Variants in EAPP observed in about 807,000 individuals in gnomAD.
The protein encoded by EAPP is E2F associated phosphoprotein, also known as E2F-associated phosphoprotein.
Under a neutral mutation model 34.3 loss-of-function variants are expected in EAPP, and 38 were observed. The ratio of observed to expected loss-of-function variants is 1.11; its 90% CI spans 0.85 to 1.45. EAPP has a LOEUF of 1.45. Ranked by LOEUF, EAPP falls within the 40% of genes most tolerant of loss-of-function variation. The pLI, the probability that EAPP is intolerant of heterozygous loss-of-function variation, is 0.00. For missense variants in EAPP, 338 were observed against 343.7 expected, an observed-to-expected ratio of 0.98 and a Z score of 0.13; for synonymous variants, 113 against 117.6, an observed-to-expected ratio of 0.96 and a Z score of 0.25.
At chr14:34,532,810 G>C (rs1207940087) in intron 3 of EAPP, among the ~76,000 whole-genome samples, 1 of 151,848 alleles carries the variant, frequency 6.6e-6, no homozygotes, top group African/African-American at 2.4e-5. Flanking sequence ...GAGTAGCCGG[G>C]ATTACAGGTG....
At chr14:34,535,164 C>G (rs567465171) in intron 2 of EAPP, among the ~76,000 whole-genome samples, 104 of 145,000 alleles carry the variant, frequency 7.2e-4, no homozygotes, top group African/African-American at 2.5e-3. Context: ...GAGTCTCACT[C>G]TGTTGCCCTG....
At chr14:34,535,991 T>C (rs1282540083) in intron 2 of EAPP, 103 bp downstream of exon 2, 3 of 739,480 alleles carry the variant, frequency 4.1e-6, no homozygotes, top group Non-Finnish European at 6.5e-6. Context: ...TAAATATTTA[T>C]TGAGCACCTA....
chr14:34,519,735 T>C (rs1879851674), intron 5 of EAPP, among the ~76,000 whole-genome samples: 1 of 152,118 alleles, frequency 6.6e-6, no homozygotes, highest in Non-Finnish European at 1.5e-5. Context: ...CCTTCCTTAC[T>C]GTCTTCCTTC....
At position 34,533,552 on chromosome 14, in the gene EAPP, G is replaced by T; in HGVS notation, c.257-13C>A. The T allele has an allele frequency of 6.5e-7, 1 of 1,542,500 alleles. No individual in the cohort carries two copies. The highest frequency in any genetic ancestry group is 8.7e-7 in the Non-Finnish European group (1 of 1,144,020). ...CCTGAGGAAGATCCTATTCAAACCAGAAGTAAAGTTTACAGACTAAATCAT... is the reference window on the plus strand; with the variant it reads ...CCTGAGGAAGATCCTATTCAAACCATAAGTAAAGTTTACAGACTAAATCAT... On this transcript the variant is annotated splice_polypyrimidine_tract_variant and intron_variant, in intron 2 of 5. Transcript: ENST00000250454.
At chr14:34,532,462 C>CA (rs879574097) in intron 3 of EAPP, among the ~76,000 whole-genome samples, 63 of 140,088 alleles carry the variant, frequency 4.5e-4, no homozygotes, top group Middle Eastern at 3.7e-3. Flanking sequence ...AACTCCATCT[C>CA]AAAAAAAAAA....
chr14:34,529,506 G>C (rs1291836452), intron 3 of EAPP, 31 bp from the exon 4 acceptor site: 6 of 1,391,224 alleles, frequency 4.3e-6, no homozygotes, highest in African/African-American at 1.4e-5. Flanking sequence ...ATATGGCTAA[G>C]AATCATGTGT....
chr14:34,524,392 A>C (rs897989840), intron 5 of EAPP, among the ~76,000 whole-genome samples: 1 of 151,862 alleles, frequency 6.6e-6, no homozygotes, highest in Admixed American at 6.6e-5. Flanking sequence ...TCATCTCAAC[A>C]AAACAAAACA....
chr14:34,533,080 G>A (rs1880349086), intron 3 of EAPP, among the ~76,000 whole-genome samples: 1 of 151,918 alleles, frequency 6.6e-6, no homozygotes, highest in African/African-American at 2.4e-5. Context: ...TGTCGCCCAG[G>A]CTGGAGTGCA....
In EAPP at chr14:34,525,776, T is replaced by G. The variant is rs980803511; in HGVS notation, c.471-969A>C. 3.3e-5 allele frequency among the ~76,000 whole-genome samples: 5 copies of G among 152,152 alleles called. No individual in the cohort carries two copies. In the East Asian group the frequency reaches 9.7e-4, roughly 29 times the overall value. On this transcript the variant is annotated intron_variant, in intron 4 of 5. Coordinates refer to ENST00000250454, the MANE Select transcript of EAPP (RefSeq NM_018453.4). The stretch of plus-strand genomic sequence containing the variant: ...GGCTCACGCCTGTAATCCCAGCACT[T>G]TGGGAGGCCGAGGCGGGCGGATCAC...
intron 4 of EAPP, among the ~76,000 whole-genome samples, chr14:34,528,901 C>T (rs1484360563): frequency 1.3e-5 from 2 of 152,002 alleles, no homozygotes; most frequent in African/African-American, 4.8e-5. Context: ...CTTTGGGAGG[C>T]CGAGACAGGT....
chr14:34,517,588 C>T lies in EAPP; in HGVS notation c.582-1002G>A, dbSNP rs75623524. 1.9e-3 allele frequency among the ~76,000 whole-genome samples: 292 copies of T among 151,850 alleles called. 6 individuals are homozygous for T. The East Asian group carries it at 0.053, about 27-fold the overall frequency. ...TCTGTGGTCTCAGTTGTTATGCCTT[C>T]TTTTCTATTTCTAATTTATTTGGGC... On this transcript the variant is annotated intron_variant, in intron 5 of 5. Coordinates refer to ENST00000250454, the MANE Select transcript of EAPP (RefSeq NM_018453.4).
At chr14:34,519,901 T>TTG (rs1163573815) in intron 5 of EAPP, among the ~76,000 whole-genome samples, 16 of 150,880 alleles carry the variant, frequency 1.1e-4, no homozygotes, top group African/African-American at 3.6e-4. Context: ...TTTTTTTTTT[T>TTG]GAAACAGAGT....
chr14:34,530,261 G>A (rs1327158114), intron 3 of EAPP, among the ~76,000 whole-genome samples: 1 of 152,042 alleles, frequency 6.6e-6, no homozygotes, highest in African/African-American at 2.4e-5. Flanking sequence ...GTAGGGTGCG[G>A]TAGCTCACAA....
chr14:34,533,682 A>T, intron 2 of EAPP, 143 bp from the exon 3 acceptor site: 1 of 579,604 alleles, frequency 1.7e-6, no homozygotes, highest in South Asian at 2.3e-5. Flanking sequence ...CACATCAGTG[A>T]ATTACTCGAT....
chr14:34,529,924 A>G (rs1880227027), intron 3 of EAPP, among the ~76,000 whole-genome samples: 1 of 152,104 alleles, frequency 6.6e-6, no homozygotes, highest in Non-Finnish European at 1.5e-5. Context: ...CCTGAGGCAG[A>G]AAAACTGCTT....
chr14:34,528,846 C>A (rs1257955416), intron 4 of EAPP, among the ~76,000 whole-genome samples: 1 of 151,500 alleles, frequency 6.6e-6, no homozygotes, highest in African/African-American at 2.4e-5. Flanking sequence ...AACAAAAAAA[C>A]AATTGTCGGG....
chr14:34,539,252 T>A, intron 1 of EAPP: 1 of 578,284 alleles, frequency 1.7e-6, no homozygotes, highest in Non-Finnish European at 3.2e-6. Context: ...GATAACTGAC[T>A]TGCCTTCCGT....
intron 5 of EAPP, among the ~76,000 whole-genome samples, chr14:34,519,533 C>CAA (rs879761615): frequency 3.5e-5 from 4 of 113,478 alleles, no homozygotes; most frequent in African/African-American, 3.3e-5. Context: ...GACTCCCTCT[C>CAA]AAAAAAAAAA....
At chr14:34,530,097 G>C (rs1262306754) in intron 3 of EAPP, among the ~76,000 whole-genome samples, 1 of 152,086 alleles carries the variant, frequency 6.6e-6, no homozygotes, top group African/African-American at 2.4e-5. Context: ...CTACCTGGGA[G>C]GCTGAGGCAG....
Sources: allele counts gnomAD v4.1 joint callset (sites outside exome capture counted in the v4.1 genomes callset), GRCh38; gene constraint gnomAD v4.1.1; transcripts MANE v1.5; gene names NCBI Gene and HGNC (gene_info 2026-07-23, HGNC 2026-07-21).